Variants in GOLIM4 observed in about 807,000 individuals in gnomAD.
The protein encoded by GOLIM4 is golgi integral membrane protein 4.
GOLIM4 carries 71 observed loss-of-function variants against 107.4 expected under a neutral mutation model. The observed-to-expected ratio is 0.66, with a 90% CI of 0.55 to 0.81. The LOEUF (loss-of-function observed/expected upper bound fraction) is 0.81, where lower values mean the gene tolerates loss of function less well. GOLIM4 is among the 30% of genes least tolerant of loss of function. The probability of loss-of-function intolerance (pLI) is 0.00; values close to 1 mark genes in which losing one functional copy is unlikely to be tolerated. For synonymous variants in GOLIM4, 327 were observed against 294.8 expected (o/e 1.11, Z -1.12); for missense variants, 830 against 826.1 (o/e 1.00, Z -0.06).
At chr3:168,076,096 G>A (rs550514094) in intron 1 of GOLIM4, among the ~76,000 whole-genome samples, 22 of 152,218 alleles carry the variant, frequency 1.4e-4, no homozygotes, top group South Asian at 1.0e-3. Flanking sequence ...ACAGAGAGAC[G>A]ACATCTGCCT....
chr3:168,010,457 A>G, intron 15 of GOLIM4, 39 bp from the exon 16 acceptor site: 2 of 1,315,662 alleles, frequency 1.5e-6, no homozygotes. Flanking sequence ...AAGAGATAGT[A>G]TAGAGTTAGT....
At chr3:168,037,737 T>C (rs915184750) in intron 7 of GOLIM4, among the ~76,000 whole-genome samples, 11 of 152,188 alleles carry the variant, frequency 7.2e-5, no homozygotes, top group African/African-American at 2.7e-4. Flanking sequence ...GTGGGATGTG[T>C]GGATGTCTGT....
intron 14 of GOLIM4, among the ~76,000 whole-genome samples, chr3:168,019,839 G>A (rs1717584761): frequency 1.3e-5 from 2 of 152,126 alleles, no homozygotes; most frequent in African/African-American, 2.4e-5. Flanking sequence ...TGGCCAGTGA[G>A]CTCAGGTGGT....
intron 1 of GOLIM4, among the ~76,000 whole-genome samples, chr3:168,087,126 A>G (rs1468286842): frequency 6.6e-6 from 1 of 152,150 alleles, no homozygotes; most frequent in Non-Finnish European, 1.5e-5. Context: ...AAACCTGTAC[A>G]GTTTTTTTGA....
chr3:168,037,102 G>T, intron 7 of GOLIM4, 108 bp from the exon 8 acceptor site: 1 of 508,158 alleles, frequency 2.0e-6, no homozygotes, highest in Non-Finnish European at 3.5e-6. Flanking sequence ...CTAAATACAA[G>T]TTAGAAAAAC....
intron 13 of GOLIM4, 84 bp downstream of exon 13, chr3:168,024,844 G>A: frequency 7.4e-7 from 1 of 1,356,202 alleles, no homozygotes; most frequent in Non-Finnish European, 1.0e-6. Context: ...CCGTCAATGT[G>A]GAATATGACT....
At chr3:168,027,395 C>G (rs1387677821) in intron 12 of GOLIM4, among the ~76,000 whole-genome samples, 1 of 152,000 alleles carries the variant, frequency 6.6e-6, no homozygotes, top group African/African-American at 2.4e-5. Flanking sequence ...TTTATTCCTC[C>G]TAGCTTTCAG....
intron 12 of GOLIM4, among the ~76,000 whole-genome samples, chr3:168,027,377 A>G (rs1274642705): frequency 6.6e-6 from 1 of 151,682 alleles, no homozygotes; most frequent in Non-Finnish European, 1.5e-5. Flanking sequence ...CAACTTCCAC[A>G]CTTGCCTTTT....
At position 168,072,552 on chromosome 3, in the gene GOLIM4, T is replaced by A. The variant is rs144177487; in HGVS notation, c.187+22547A>T. On this transcript the variant is annotated intron_variant, in intron 1 of 15. Transcript: ENST00000470487. ...AATAACACTCTGTTAAGAAAAGTTG[T>A]TAAAAGCATAGGGGAATATCAGACA... Among the ~76,000 whole-genome samples, 77 of 152,198 alleles carry A rather than the reference T, an allele frequency of 5.1e-4. No individual in the cohort carries two copies. In the East Asian group the frequency reaches 0.014, roughly 27 times the overall value.
At chr3:168,049,446 T>C (rs910466114) in intron 1 of GOLIM4, among the ~76,000 whole-genome samples, 4 of 121,582 alleles carry the variant, frequency 3.3e-5, no homozygotes, top group African/African-American at 1.4e-4. Flanking sequence ...ATGGTTTGAA[T>C]AGGCACCGAG....
Position 168,032,518 on chromosome 3 carries a change from A to T in GOLIM4, c.1176+2T>A. 2.5e-6 allele frequency: 4 copies of T among 1,611,900 alleles called. No individual in the cohort carries two copies. The highest frequency in any genetic ancestry group is 3.4e-6 in the Non-Finnish European group (4 of 1,178,080). On this transcript the variant is annotated splice_donor_variant, in intron 9 of 15. Transcript: ENST00000470487. LOFTEE classifies it high-confidence loss of function. ...CCATACCAGAAGCGGGTGACTTCAT[A>T]CCTCAGCACGCGCGTGCCCTTCCAG...
chr3:168,087,875 G>T (rs904880650), intron 1 of GOLIM4, among the ~76,000 whole-genome samples: 18 of 152,090 alleles, frequency 1.2e-4, no homozygotes, highest in African/African-American at 4.3e-4. Flanking sequence ...ACCCGAACAT[G>T]GTAGGTACTC....
At chr3:168,027,082 A>G (rs1718031277) in intron 12 of GOLIM4, among the ~76,000 whole-genome samples, 2 of 152,232 alleles carry the variant, frequency 1.3e-5, no homozygotes, top group African/African-American at 4.8e-5. Flanking sequence ...AGGCAGGGCC[A>G]AGGATCTAGC....
intron 1 of GOLIM4, among the ~76,000 whole-genome samples, chr3:168,091,762 C>T (rs1721929426): frequency 6.6e-6 from 1 of 152,156 alleles, no homozygotes; most frequent in African/African-American, 2.4e-5. Context: ...CACAATACCT[C>T]TATAAAATAG....
rs34591015 is a variant in GOLIM4 at position 168,029,036 on chromosome 3, T to C, written c.1513+187A>G. Among the ~76,000 whole-genome samples the C allele has an allele frequency of 4.1e-3, 627 of 152,310 alleles. 5 individuals carry two copies. The highest frequency in any genetic ancestry group is 7.9e-3 in the South Asian group (38 of 4,828). ...AAAATGATAGAGAGGAAACAGATTA[T>C]CTTGAGCATTTTTCACTACCAGCAT... On this transcript the variant is annotated intron_variant, in intron 11 of 15. Transcript: ENST00000470487.
chr3:168,023,825 T>C (rs926275255), intron 14 of GOLIM4, among the ~76,000 whole-genome samples: 2 of 152,164 alleles, frequency 1.3e-5, no homozygotes, highest in African/African-American at 4.8e-5. Flanking sequence ...ATTCACCAAT[T>C]ACACCACATG....
chr3:168,068,388 C>A (rs1396481593), intron 1 of GOLIM4, among the ~76,000 whole-genome samples: 1 of 151,998 alleles, frequency 6.6e-6, no homozygotes, highest in Non-Finnish European at 1.5e-5. Flanking sequence ...AAAAAAAAAT[C>A]TCTTAAAATG....
chr3:168,041,523 ATTCTGT>A, intron 5 of GOLIM4, 49 bp from the exon 6 acceptor site: 1 of 883,668 alleles, frequency 1.1e-6, no homozygotes. Context: ...AACTTTCAGG[ATTCTGT>A]TTCTATTATT....
chr3:168,024,314 T>A (rs1443576407), intron 14 of GOLIM4, among the ~76,000 whole-genome samples: 2 of 152,252 alleles, frequency 1.3e-5, no homozygotes, highest in Non-Finnish European at 2.9e-5. Flanking sequence ...ACCAAAGAGA[T>A]GGATTCTATT....
Sources: allele counts gnomAD v4.1 joint callset (sites outside exome capture counted in the v4.1 genomes callset), GRCh38; gene constraint gnomAD v4.1.1; transcripts MANE v1.5; gene names NCBI Gene and HGNC (gene_info 2026-07-23, HGNC 2026-07-21).